Variants in HTR2C observed in about 807,000 individuals in gnomAD.
The protein encoded by HTR2C is 5-hydroxytryptamine receptor 2C.
In HTR2C, 5 loss-of-function variants were observed where a neutral mutation model predicts 21.0. The observed-to-expected ratio is 0.24, with a 90% CI of 0.12 to 0.50. The LOEUF is 0.50. HTR2C is among the 20% of genes least tolerant of loss of function. The pLI, the probability that HTR2C is intolerant of heterozygous loss-of-function variation, is 0.98. For missense variants in HTR2C, 271 were observed against 371.2 expected (o/e 0.73, Z 2.22); for synonymous variants, 150 against 145.3 (o/e 1.03, Z -0.23).
In HTR2C at chrX:114,725,011, G is replaced by A. The variant is rs782012968; in HGVS notation, c.-79-1847G>A. 5.4e-5 allele frequency among the ~76,000 whole-genome samples: 6 copies of A among 110,159 alleles called. No homozygotes were observed. The South Asian group carries it at 1.2e-3, about 22-fold the overall frequency. On this transcript the variant is annotated intron_variant, in intron 2 of 5. Coordinates refer to ENST00000276198, the MANE Select transcript of HTR2C (RefSeq NM_000868.4). Reference sequence around the variant, plus strand: ...TGTGTGTCTTAGAGTTGCTCTTCTCGAGGAGTATCTTTGTGGCGTTCTCTG... The same window carrying A: ...TGTGTGTCTTAGAGTTGCTCTTCTCAAGGAGTATCTTTGTGGCGTTCTCTG...
chrX:114,726,257 G>T (rs1343429934), intron 2 of HTR2C, among the ~76,000 whole-genome samples: 1 of 112,459 alleles, frequency 8.9e-6, no homozygotes, highest in Admixed American at 9.4e-5. Context: ...CGCAGTATTG[G>T]GGTGGGAGTG....
intron 2 of HTR2C, among the ~76,000 whole-genome samples, chrX:114,614,304 A>G (rs1331457526): frequency 9.1e-6 from 1 of 109,570 alleles, no homozygotes; most frequent in Non-Finnish European, 1.9e-5. Flanking sequence ...TCTGTTGCCC[A>G]GGCTGGAGTG....
chrX:114,798,650 C>A (rs938727750), intron 4 of HTR2C, among the ~76,000 whole-genome samples: 1 of 110,940 alleles, frequency 9.0e-6, no homozygotes, highest in Non-Finnish European at 1.9e-5. Context: ...TCAAACAGGG[C>A]TCATAGTCTT....
intron 4 of HTR2C, 32 bp downstream of exon 4, chrX:114,731,639 G>T (rs183795338): frequency 1.0e-6 from 1 of 980,837 alleles, no homozygotes; most frequent in Non-Finnish European, 1.4e-6. Flanking sequence ...TTTCAATCTC[G>T]TATAATGTCA....
intron 4 of HTR2C, among the ~76,000 whole-genome samples, chrX:114,839,609 T>C (rs2070816561): frequency 9.0e-6 from 1 of 110,685 alleles, no homozygotes; most frequent in South Asian, 3.8e-4. Flanking sequence ...ATTGTTTGAG[T>C]CTGGGAGGTG....
At chrX:114,657,283 A>G (rs1556409418) in intron 2 of HTR2C, among the ~76,000 whole-genome samples, 1 of 110,812 alleles carries the variant, frequency 9.0e-6, no homozygotes, top group Non-Finnish European at 1.9e-5. Context: ...ATATTTAGAC[A>G]TGTGACATTT....
At chrX:114,631,025 GC>G in intron 2 of HTR2C, 1 of 222,167 alleles carries the variant, frequency 4.5e-6, no homozygotes, top group Non-Finnish European at 9.2e-6. Context: ...ACTATGTCTG[GC>G]CGGGCGCGGT....
In HTR2C at chrX:114,907,364, G is replaced by A. The variant is rs1556487385; in HGVS notation, c.1326G>A (p.Glu442=). The A allele has an allele frequency of 8.3e-7, 1 of 1,209,188 alleles. No individual in the cohort carries two copies. Among genetic ancestry groups the A allele is most frequent in the Admixed American group, 2.2e-5 (1 of 45,648 alleles). ...TAGAGATGCAAGTTGAGAATTTAGA[G>A]TTACCAGTAAATCCCTCCAGTGTGG... ...PGIEMQVENL[E]LPVNPSSVVS... is the part of the protein sequence containing the mutation. Residue 442 remains glutamate (E), a synonymous_variant, in exon 6 of 6, where the codon GAG becomes GAA. Transcript: ENST00000276198.
intron 2 of HTR2C, among the ~76,000 whole-genome samples, chrX:114,674,952 A>C (rs1481110767): frequency 3.6e-5 from 4 of 112,335 alleles, no homozygotes; most frequent in Non-Finnish European, 5.6e-5. Flanking sequence ...ACAATTCCAA[A>C]ATCATATTTA....
chrX:114,791,872 C>T (rs1388780839), intron 4 of HTR2C, among the ~76,000 whole-genome samples: 1 of 111,037 alleles, frequency 9.0e-6, no homozygotes, highest in Non-Finnish European at 1.9e-5. Flanking sequence ...TTTACTAGTC[C>T]GTATTTCCCA....
Position 114,848,211 on chromosome X carries a change from A to T in HTR2C, c.550+8A>T, listed in dbSNP as rs782696404. ...TTTGGGCAATTTCTATAGGTAAATA[A>T]AACTTTTTGGCCATAAGAATTGCAG... On this transcript the variant is annotated splice_region_variant and intron_variant, in intron 5 of 5. Transcript: ENST00000276198. The T allele has an allele frequency of 1.7e-6, 2 of 1,187,406 alleles. No individual in the cohort carries two copies. The highest frequency in any genetic ancestry group is 2.2e-5 in the Admixed American group (1 of 45,714).
In HTR2C at chrX:114,807,484, A is replaced by G. The variant is rs187015547; in HGVS notation, c.350-40519A>G. On this transcript the variant is annotated intron_variant, in intron 4 of 5. Transcript: ENST00000276198. ...CCATATATATATACCATATATATAC[A>G]TCATATATATACCATATATATACAC... Among the ~76,000 whole-genome samples, 279 of 84,309 alleles carry G rather than the reference A, an allele frequency of 3.3e-3. 1 individual carries two copies. The highest frequency in any genetic ancestry group is 0.012 in the African/African-American group (242 of 19,566). 73.2% of individuals were successfully genotyped at this position (84,309 alleles called of 115,157 possible).
At chrX:114,751,975 G>A (rs782513956) in intron 4 of HTR2C, among the ~76,000 whole-genome samples, 24 of 111,625 alleles carry the variant, frequency 2.2e-4, no homozygotes, top group Non-Finnish European at 3.8e-4. Context: ...ACTATAAAAC[G>A]GAACTAATTT....
chrX:114,823,165 A>G (rs1003735053), intron 4 of HTR2C, among the ~76,000 whole-genome samples: 2 of 111,884 alleles, frequency 1.8e-5, no homozygotes, highest in Non-Finnish European at 3.8e-5. Context: ...TTTGTAACCC[A>G]GAAAATATCT....
chrX:114,709,700 C>A (rs1331281445), intron 2 of HTR2C, among the ~76,000 whole-genome samples: 4 of 111,480 alleles, frequency 3.6e-5, no homozygotes, highest in Non-Finnish European at 7.5e-5. Context: ...ACAACGATTT[C>A]TTTGCCTTTC....
chrX:114,906,359 T>A (rs1556486622), intron 5 of HTR2C, among the ~76,000 whole-genome samples: 1 of 111,689 alleles, frequency 9.0e-6, no homozygotes, highest in African/African-American at 3.3e-5. Flanking sequence ...GGTAATTCCA[T>A]GCCTTCTACA....
chrX:114,623,251 A>G (rs1257643384), intron 2 of HTR2C, among the ~76,000 whole-genome samples: 3 of 112,271 alleles, frequency 2.7e-5, no homozygotes, highest in African/African-American at 9.7e-5. Context: ...TGAGTCCTAT[A>G]GGTTTCTATT....
rs782206973 is a variant in HTR2C, at chrX:114,741,524, T to TAAAAAAAAAAA, written c.349+9932_349+9942dup. ...GGCGACAGAGCAAGACGACTCCGTC[T>TAAAAAAAAAAA]AAAAAAAAAAAAAAAAAAAAAAAAA... is the stretch of plus-strand genomic sequence containing the variant. On this transcript the variant is annotated intron_variant, in intron 4 of 5. Coordinates refer to ENST00000276198, the MANE Select transcript of HTR2C (RefSeq NM_000868.4). Among the ~76,000 whole-genome samples, 17 of 4,896 alleles carry TAAAAAAAAAAA rather than the reference T, an allele frequency of 3.5e-3. 3 individuals are homozygous for TAAAAAAAAAAA. The highest frequency in any genetic ancestry group is 4.2e-3 in the Non-Finnish European group (8 of 1,907). The allele number at this position is 4,896 out of a possible 115,157, so 4.3% of individuals were successfully genotyped here.
chrX:114,800,318 C>A (rs902180664), intron 4 of HTR2C, among the ~76,000 whole-genome samples: 9 of 111,483 alleles, frequency 8.1e-5, no homozygotes, highest in Admixed American at 5.8e-4. Context: ...GAAGCTATAA[C>A]AGAAATAATA....
Sources: gnomAD v4.1 joint callset for allele counts (sites outside exome capture counted in the v4.1 genomes callset) on GRCh38, gnomAD v4.1.1 for gene constraint, MANE v1.5 for transcripts, NCBI Gene and HGNC (gene_info 2026-07-23, HGNC 2026-07-21) for gene names.